SUPV3L1: variants seen among roughly 807,000 people sequenced by gnomAD.
SUPV3L1 encodes ATP-dependent RNA helicase SUPV3L1, mitochondrial.
Under a neutral mutation model 70.0 loss-of-function variants are expected in SUPV3L1, and 35 were observed. The observed-to-expected ratio is 0.50, with a 90% CI of 0.38 to 0.66. SUPV3L1 has a LOEUF of 0.66. Ranked by LOEUF, SUPV3L1 falls within the 30% of genes least tolerant of loss-of-function variation. The probability of loss-of-function intolerance (pLI) is 0.00; values close to 1 mark genes in which losing one functional copy is unlikely to be tolerated. For missense variants in SUPV3L1, 777 were observed against 961.5 expected (o/e 0.81, Z 2.54); for synonymous variants, 364 against 341.9 (o/e 1.06, Z -0.71).
chr10:69,198,968 G>T, intron 9 of SUPV3L1, 136 bp from the exon 10 acceptor site: 1 of 657,962 alleles, frequency 1.5e-6, no homozygotes, highest in East Asian at 2.9e-5. Context: ...AGGATATAAA[G>T]AAATAAAGTT....
At chr10:69,185,406 C>T (rs1289386076) in intron 1 of SUPV3L1, among the ~76,000 whole-genome samples, 1 of 152,118 alleles carries the variant, frequency 6.6e-6, no homozygotes, top group African/African-American at 2.4e-5. Context: ...CTATAAGTGG[C>T]CTGGTGAAGG....
In SUPV3L1 at chr10:69,185,985, AGAT is replaced by A; in HGVS notation, c.273_275del (p.Asn91_Glu92delinsLys). On this transcript the variant is annotated splice_acceptor_variant and coding_sequence_variant, in exon 2 of 15. Coordinates refer to ENST00000359655, the MANE Select transcript of SUPV3L1 (RefSeq NM_003171.5). LOFTEE classifies it high-confidence loss of function. Reference sequence around the variant, plus strand: ...CGTTAAATTTTGACATCTCTCTTCTAGATGAAGTAAAGAAGGTCTTAGACAAAT... The same window carrying A: ...CGTTAAATTTTGACATCTCTCTTCTAGAAGTAAAGAAGGTCTTAGACAAAT... 6.2e-7 allele frequency: 1 copy of A among 1,607,152 alleles called. No homozygotes were observed. Among genetic ancestry groups the A allele is most frequent in the Non-Finnish European group, 8.5e-7 (1 of 1,174,926 alleles).
chr10:69,194,716 C>G (rs542142340), intron 6 of SUPV3L1, among the ~76,000 whole-genome samples: 1 of 149,026 alleles, frequency 6.7e-6, no homozygotes, highest in African/African-American at 2.6e-5. Context: ...TTTGAAGTTA[C>G]AGTGAGCTAT....
chr10:69,201,301 C>G (rs540849829), intron 11 of SUPV3L1, among the ~76,000 whole-genome samples: 12 of 152,144 alleles, frequency 7.9e-5, no homozygotes, highest in Non-Finnish European at 1.3e-4. Flanking sequence ...CTTTCTCTCT[C>G]TGTTTCATAC....
Position 69,208,820 on chromosome 10 carries a change from C to T in SUPV3L1, c.2146C>T (p.Leu716=). The change falls in exon 15 of 15, where the codon CTA becomes TTA. Residue 716 remains leucine (L), a synonymous_variant. Coordinates refer to ENST00000359655, the MANE Select transcript of SUPV3L1 (RefSeq NM_003171.5). ...TAGAAGGACACGCGGCACCAAAGCT[C>T]TAGGGAGTAAAGCTACTGAGCCACC... ...QARRTRGTKA[L]GSKATEPPSP... The T allele has an allele frequency of 1.2e-6, 2 of 1,614,140 alleles. No homozygotes were observed. The highest frequency in any genetic ancestry group is 2.2e-5 in the South Asian group (2 of 91,084).
At chr10:69,200,816 C>CAGAG (rs1385566820) in intron 11 of SUPV3L1, among the ~76,000 whole-genome samples, 1 of 152,136 alleles carries the variant, frequency 6.6e-6, no homozygotes, top group Non-Finnish European at 1.5e-5. Context: ...GCTGAGCACA[C>CAGAG]AGAGCTACAT....
Position 69,186,474 on chromosome 10 carries a change from T to A in SUPV3L1, c.381T>A (p.Phe127Leu). Residue 127 changes from phenylalanine (F) to leucine (L), a missense_variant, in exon 3 of 15, where the codon TTT becomes TTA. Phe to Leu is a conservative substitution (Grantham distance 22). This residue lies in a region of SUPV3L1 where 619 missense variants were observed against 823.3 expected (regional missense o/e 0.75). Coordinates refer to ENST00000359655, the MANE Select transcript of SUPV3L1 (RefSeq NM_003171.5). ...ARLFHQAFIS[F>L]RNYIMQSHSL... ...TCTTCCACCAAGCTTTCATAAGCTT[T>A]AGAAATTATATTATGCAGTCTCATT... 1 of 1,614,058 alleles carries A rather than the reference T, an allele frequency of 6.2e-7. No homozygotes were observed. The highest frequency in any genetic ancestry group is 2.2e-5 in the East Asian group (1 of 44,878).
intron 11 of SUPV3L1, among the ~76,000 whole-genome samples, chr10:69,202,159 A>G (rs1358875261): frequency 1.3e-5 from 2 of 152,170 alleles, no homozygotes; most frequent in East Asian, 3.9e-4. Flanking sequence ...TTTTTTGTAC[A>G]CTGCCAGATC....
chr10:69,196,026 C>T (rs1449700936), intron 7 of SUPV3L1, among the ~76,000 whole-genome samples: 1 of 152,114 alleles, frequency 6.6e-6, no homozygotes, highest in African/African-American at 2.4e-5. Context: ...GGATTACAGG[C>T]ATGAGCCACT....
chr10:69,193,720 A>G (rs190649718), intron 6 of SUPV3L1, among the ~76,000 whole-genome samples: 348 of 152,270 alleles, frequency 2.3e-3, no homozygotes, highest in Middle Eastern at 0.014. Flanking sequence ...CTCAATAAGT[A>G]ATTTTTAATC....
At position 69,208,984 on chromosome 10, in the gene SUPV3L1, G is replaced by A. The variant is rs949074009; in HGVS notation, c.2310G>A (p.Gly770=). The change falls in exon 15 of 15, where the codon GGG becomes GGA. Residue 770 remains glycine, a synonymous_variant. Transcript: ENST00000359655. The part of the protein sequence containing the change: ...TEHNKEKTES[G]THPKGTRRKK... ...ACAACAAAGAAAAAACAGAGTCTGG[G>A]ACTCATCCAAAAGGGACGAGAAGAA... 2.5e-6 allele frequency: 4 copies of A among 1,608,592 alleles called. No homozygotes were observed. In the African/African-American group the frequency reaches 5.4e-5, roughly 22 times the overall value.
At chr10:69,201,634 A>C (rs1460312523) in intron 11 of SUPV3L1, among the ~76,000 whole-genome samples, 2 of 150,920 alleles carry the variant, frequency 1.3e-5, no homozygotes, top group Non-Finnish European at 2.9e-5. Flanking sequence ...TCCTGAGCTC[A>C]GGAGAGCCTT....
Position 69,208,770 on chromosome 10 carries a change from T to A in SUPV3L1, c.2096T>A (p.Leu699Ter). Residue 699 changes from leucine (L) to a stop codon, truncating the protein, a stop_gained, in exon 15 of 15, where the codon TTG becomes TAG. Coordinates refer to ENST00000359655, the MANE Select transcript of SUPV3L1 (RefSeq NM_003171.5). LOFTEE classifies it low-confidence loss of function (END_TRUNC). ...EGFPSGSQSR[L>*]SGTLKSQARR... is the part of the protein sequence containing the mutation. ...TTTCCATCAGGGAGCCAGTCACGATTGTCAGGAACCTTAAAGAGCCAAGCT... is the reference window on the plus strand; with the variant it reads ...TTTCCATCAGGGAGCCAGTCACGATAGTCAGGAACCTTAAAGAGCCAAGCT... 6.2e-7 allele frequency: 1 copy of A among 1,614,172 alleles called. No homozygotes were observed. The highest frequency in any genetic ancestry group is 1.1e-5 in the South Asian group (1 of 91,078).
Position 69,202,532 on chromosome 10 carries a change from T to C in SUPV3L1, c.1599+13T>C. 3 of 1,607,592 alleles carry C rather than the reference T, an allele frequency of 1.9e-6. No individual in the cohort carries two copies. The highest frequency in any genetic ancestry group is 2.6e-6 in the Non-Finnish European group (3 of 1,175,670). On this transcript the variant is annotated intron_variant, in intron 12 of 14. Transcript: ENST00000359655. The stretch of plus-strand genomic sequence containing the variant: ...GTCCAATCTCATTGTAAGTGGAAAC[T>C]CCCTTTCACATCTCCCCTAAAAATG...
chr10:69,184,652 C>CACACACACTG (rs3222193), intron 1 of SUPV3L1, among the ~76,000 whole-genome samples: 2 of 149,660 alleles, frequency 1.3e-5, no homozygotes, highest in Admixed American at 6.6e-5. Flanking sequence ...CACACACACA[C>CACACACACTG]TGTGTGTGTA....
At chr10:69,182,106 T>C (rs1292613381) in intron 1 of SUPV3L1, among the ~76,000 whole-genome samples, 1 of 151,952 alleles carries the variant, frequency 6.6e-6, no homozygotes, top group Non-Finnish European at 1.5e-5. Context: ...GCAATCCTCC[T>C]GGCTCAGCCT....
chr10:69,208,526 A>G lies in SUPV3L1; in HGVS notation c.1926-74A>G. ...TTAGAATTTATCAATGTCATGATGT[A>G]GGTGTGCCATTGAGAGTTGTCCAGT... On this transcript the variant is annotated intron_variant, in intron 14 of 14. Transcript: ENST00000359655. The G allele has an allele frequency of 2.2e-6, 3 of 1,390,536 alleles. No homozygotes were observed. The East Asian group carries it at 6.9e-5, about 32-fold the overall frequency. The allele number at this position is 1,390,536 out of a possible 1,614,324, so 86.1% of individuals were successfully genotyped here. A position where few individuals can be genotyped will look rare whatever the true frequency, so the allele number is the denominator to read the frequency against.
At chr10:69,198,649 A>G in intron 9 of SUPV3L1, 97 bp downstream of exon 9, 1 of 1,174,992 alleles carries the variant, frequency 8.5e-7, no homozygotes, top group Admixed American at 2.4e-5. Flanking sequence ...ATATTGAATT[A>G]AGCTGCTTGA....
chr10:69,197,195 A>C, intron 8 of SUPV3L1, 112 bp downstream of exon 8: 2 of 825,604 alleles, frequency 2.4e-6, no homozygotes, highest in Non-Finnish European at 4.0e-6. Context: ...AACTAAAAAG[A>C]AAGCTTCATT....
Sources: allele counts gnomAD v4.1 joint callset (sites outside exome capture counted in the v4.1 genomes callset), GRCh38; gene constraint gnomAD v4.1.1; regional missense constraint gnomAD v4.1.1; transcripts MANE v1.5; gene names NCBI Gene and HGNC (gene_info 2026-07-23, HGNC 2026-07-21).